Variants in KSR2 observed in about 807,000 individuals in gnomAD.
KSR2 encodes the protein kinase suppressor of ras 2.
A neutral mutation model predicts 107.8 loss-of-function variants in KSR2; 25 were observed. The ratio of observed to expected loss-of-function variants is 0.23; its 90% confidence interval spans 0.17 to 0.32. The LOEUF is 0.32. Ranked by LOEUF, KSR2 falls within the 10% of genes least tolerant of loss-of-function variation. KSR2 has a pLI of 1.00. For synonymous variants in KSR2, 480 were observed against 507.0 expected (o/e 0.95, Z 0.71); for missense variants, 887 against 1,268.9 (o/e 0.70, Z 4.57).
At position 117,765,459 on chromosome 12, in the gene KSR2, G is replaced by C. The variant is rs149171598; in HGVS notation, c.473-3935C>G. Among the ~76,000 whole-genome samples the C allele has an allele frequency of 8.3e-3, 1,260 of 152,302 alleles. 13 individuals are homozygous for C. Among genetic ancestry groups the C allele is most frequent in the Middle Eastern group, 0.048 (14 of 294 alleles). ...ACTTAACCTCCCTGAGCTTCAGTTTGGGGGCTCATAAAATGGGAATAATTA... is the reference window on the plus strand; with the variant it reads ...ACTTAACCTCCCTGAGCTTCAGTTTCGGGGCTCATAAAATGGGAATAATTA... On this transcript the variant is annotated intron_variant, in intron 3 of 19. Coordinates refer to ENST00000339824, the MANE Select transcript of KSR2 (RefSeq NM_173598.6).
intron 4 of KSR2, among the ~76,000 whole-genome samples, chr12:117,729,791 T>C (rs769490166): frequency 7.2e-5 from 11 of 151,956 alleles, no homozygotes; most frequent in Non-Finnish European, 1.5e-4. Context: ...AAGAGATGAA[T>C]AGGACAGGTC....
chr12:117,581,486 G>C (rs1367260992), intron 6 of KSR2, among the ~76,000 whole-genome samples: 1 of 152,184 alleles, frequency 6.6e-6, no homozygotes, highest in Non-Finnish European at 1.5e-5. Context: ...GGTGTCAAAA[G>C]AACACAAAGT....
At chr12:117,747,636 G>C (rs556141347) in intron 4 of KSR2, among the ~76,000 whole-genome samples, 1 of 151,764 alleles carries the variant, frequency 6.6e-6, no homozygotes, top group South Asian at 2.1e-4. Context: ...TTAAAAATGG[G>C]CAAAGAACCT....
intron 16 of KSR2, among the ~76,000 whole-genome samples, chr12:117,479,151 T>A (rs2137129320): frequency 6.6e-6 from 1 of 152,262 alleles, no homozygotes; most frequent in East Asian, 1.9e-4. Context: ...AACCCCTCCA[T>A]CTCACACATG....
At chr12:117,937,423 A>G (rs1262066911) in intron 1 of KSR2, among the ~76,000 whole-genome samples, 1 of 152,038 alleles carries the variant, frequency 6.6e-6, no homozygotes, top group Non-Finnish European at 1.5e-5. Context: ...TATTATTATC[A>G]TTATGAAGTG....
At chr12:117,827,939 G>C (rs998435238) in intron 3 of KSR2, among the ~76,000 whole-genome samples, 1 of 152,128 alleles carries the variant, frequency 6.6e-6, no homozygotes, top group African/African-American at 2.4e-5. Flanking sequence ...TCTTATGTAT[G>C]ACCCTTCCAC....
chr12:117,714,968 T>C (rs774887245), intron 4 of KSR2, among the ~76,000 whole-genome samples: 3 of 152,122 alleles, frequency 2.0e-5, no homozygotes, highest in Non-Finnish European at 4.4e-5. Flanking sequence ...GCTGTCACTA[T>C]AGGAATCTAG....
chr12:117,746,450 T>C (rs1888407164), intron 4 of KSR2, among the ~76,000 whole-genome samples: 1 of 152,126 alleles, frequency 6.6e-6, no homozygotes, highest in African/African-American at 2.4e-5. Context: ...ATTAAAGACC[T>C]AAATGTAAAA....
intron 14 of KSR2, among the ~76,000 whole-genome samples, chr12:117,512,727 A>ATAGATT (rs1874108920): frequency 6.6e-6 from 1 of 151,216 alleles, no homozygotes; most frequent in African/African-American, 2.4e-5. Context: ...TCACCTCTTA[A>ATAGATT]TAGACTTAGA....
intron 4 of KSR2, among the ~76,000 whole-genome samples, chr12:117,742,658 A>G (rs1565991500): frequency 6.6e-6 from 1 of 152,176 alleles, no homozygotes; most frequent in East Asian, 1.9e-4. Flanking sequence ...AATTCTTTGT[A>G]ATGTTCTTAT....
chr12:117,538,161 C>T (rs1414373162), intron 10 of KSR2, among the ~76,000 whole-genome samples: 1 of 151,634 alleles, frequency 6.6e-6, no homozygotes. Flanking sequence ...CTGGAGATGG[C>T]GGTGGGAGCC....
chr12:117,910,117 G>A (rs1894970042), intron 1 of KSR2, among the ~76,000 whole-genome samples: 1 of 152,074 alleles, frequency 6.6e-6, no homozygotes, highest in African/African-American at 2.4e-5. Flanking sequence ...TGAAGTCCCA[G>A]CTACTCTGGA....
intron 1 of KSR2, among the ~76,000 whole-genome samples, chr12:117,945,959 A>G (rs1277989893): frequency 1.3e-5 from 2 of 152,200 alleles, no homozygotes; most frequent in Non-Finnish European, 2.9e-5. Context: ...AGATTAAACA[A>G]AAGACTTCAA....
chr12:117,702,175 A>G (rs1886355242), intron 4 of KSR2, among the ~76,000 whole-genome samples: 1 of 152,112 alleles, frequency 6.6e-6, no homozygotes, highest in African/African-American at 2.4e-5. Flanking sequence ...CAGCAGTTCT[A>G]TCCTCCTTCC....
chr12:117,539,555 C>T lies in KSR2; in HGVS notation c.1687+164G>A, dbSNP rs148728942. On this transcript the variant is annotated intron_variant, in intron 10 of 19. Coordinates refer to ENST00000339824, the MANE Select transcript of KSR2 (RefSeq NM_173598.6). ...GATATAAGGGTAATTGCTTAGGGTA[C>T]GATAAGGGTCAGTCCACATACTTCC... 1.2e-4 allele frequency: 72 copies of T among 590,930 alleles called. No homozygotes were observed. The East Asian group carries it at 2.2e-3, about 18-fold the overall frequency. The allele number at this position is 590,930 out of a possible 1,614,324, so 36.6% of individuals were successfully genotyped here.
intron 14 of KSR2, among the ~76,000 whole-genome samples, chr12:117,518,210 C>T (rs76951307): frequency 9.9e-5 from 15 of 152,128 alleles, no homozygotes; most frequent in Admixed American, 5.2e-4. Flanking sequence ...GGGAACCCAG[C>T]GAGGGGATTG....
intron 3 of KSR2, among the ~76,000 whole-genome samples, chr12:117,819,443 A>C (rs1275639660): frequency 1.3e-5 from 2 of 152,230 alleles, no homozygotes; most frequent in Non-Finnish European, 2.9e-5. Flanking sequence ...ATTTCAACAC[A>C]CAGAACAAGG....
chr12:117,497,813 G>A (rs1873131513), intron 14 of KSR2, among the ~76,000 whole-genome samples: 1 of 152,194 alleles, frequency 6.6e-6, no homozygotes, highest in African/African-American at 2.4e-5. Context: ...AAGGGGCTCA[G>A]CCTTGCTTTG....
intron 14 of KSR2, 105 bp downstream of exon 14, chr12:117,524,747 G>A (rs1254815836): frequency 1.5e-6 from 2 of 1,307,272 alleles, no homozygotes; most frequent in Non-Finnish European, 2.1e-6. Context: ...TAGAACTAGA[G>A]ATGGTCTATT....
Sources: gnomAD v4.1 joint callset for allele counts (sites outside exome capture counted in the v4.1 genomes callset) on GRCh38, gnomAD v4.1.1 for gene constraint, MANE v1.5 for transcripts, NCBI Gene and HGNC (gene_info 2026-07-23, HGNC 2026-07-21) for gene names.